Variants in RBX1 observed in about 807,000 individuals in gnomAD.
RBX1 encodes the protein E3 ubiquitin-protein ligase RBX1.
For synonymous variants in RBX1, 48 were observed against 47.9 expected (o/e 1.00, Z -0.01); for missense variants, 46 against 141.4 (o/e 0.33, Z 3.42).
chr22:40,966,367 T>G (rs534214477), intron 3 of RBX1: 1 of 152,366 alleles, frequency 6.6e-6, no homozygotes, highest in South Asian at 2.1e-4. Flanking sequence ...AGTTGGGCTC[T>G]ACCAGGACAC....
chr22:40,955,149 T>C (rs2058321843), intron 2 of RBX1, among the ~76,000 whole-genome samples: 1 of 152,232 alleles, frequency 6.6e-6, no homozygotes, highest in Non-Finnish European at 1.5e-5. Flanking sequence ...TAGTCTTTTT[T>C]GCCTAGAATA....
At chr22:40,956,293 G>T (rs2058325143) in intron 2 of RBX1, among the ~76,000 whole-genome samples, 1 of 150,998 alleles carries the variant, frequency 6.6e-6, no homozygotes. Context: ...ACTTATGAAA[G>T]TATTTTCTAA....
chr22:40,961,186 C>G (rs2058339241), intron 2 of RBX1, among the ~76,000 whole-genome samples: 2 of 148,540 alleles, frequency 1.3e-5, no homozygotes, highest in East Asian at 4.1e-4. Context: ...CGCCTGTGCT[C>G]AAGCCATTCT....
chr22:40,954,523 T>A (rs1214730309), intron 2 of RBX1, among the ~76,000 whole-genome samples: 1 of 152,162 alleles, frequency 6.6e-6, no homozygotes, highest in Non-Finnish European at 1.5e-5. Flanking sequence ...GTCCTTACAG[T>A]AGAAGGGACA....
chr22:40,959,238 A>G (rs1230943673), intron 2 of RBX1, among the ~76,000 whole-genome samples: 1 of 152,216 alleles, frequency 6.6e-6, no homozygotes, highest in Non-Finnish European at 1.5e-5. Flanking sequence ...TATAAATCAC[A>G]TGATAGGCTT....
At chr22:40,954,139 C>T (rs1376532939) in intron 2 of RBX1, among the ~76,000 whole-genome samples, 3 of 151,916 alleles carry the variant, frequency 2.0e-5, no homozygotes, top group Non-Finnish European at 2.9e-5. Context: ...CGTACTGGTG[C>T]ATGTCTGTAA....
At chr22:40,957,043 C>CA (rs1569042902) in intron 2 of RBX1, among the ~76,000 whole-genome samples, 1 of 145,340 alleles carries the variant, frequency 6.9e-6, no homozygotes, top group Non-Finnish European at 1.5e-5. Context: ...TCAACAACAA[C>CA]AAAAAAAAGA....
At position 40,962,905 on chromosome 22, in the gene RBX1, C is replaced by T. The variant is rs2058345107; in HGVS notation, c.158-1142C>T. Among the ~76,000 whole-genome samples, 2 of 146,638 alleles carry T rather than the reference C, an allele frequency of 1.4e-5. 1 individual carries two copies. Among genetic ancestry groups the T allele is most frequent in the South Asian group, 4.3e-4 (2 of 4,616 alleles). On this transcript the variant is annotated intron_variant, in intron 2 of 4. Transcript: ENST00000216225. Reference sequence around the variant, plus strand: ...TAGAGACGGTGTTTCACTATGTTGGCCAGGATGGTCTCAAAGTCCTGACCT... The same window carrying T: ...TAGAGACGGTGTTTCACTATGTTGGTCAGGATGGTCTCAAAGTCCTGACCT...
intron 2 of RBX1, among the ~76,000 whole-genome samples, chr22:40,962,843 C>T (rs1056502868): frequency 1.3e-5 from 2 of 150,992 alleles, no homozygotes; most frequent in African/African-American, 4.9e-5. Context: ...CAGGCACCCG[C>T]CACCACGCCC....
At chr22:40,956,098 G>A (rs1203713731) in intron 2 of RBX1, among the ~76,000 whole-genome samples, 2 of 151,864 alleles carry the variant, frequency 1.3e-5, no homozygotes, top group Non-Finnish European at 2.9e-5. Context: ...CAGTGTATAT[G>A]TGTCTCTGGA....
At chr22:40,957,076 G>A (rs140517317) in intron 2 of RBX1, among the ~76,000 whole-genome samples, 3,693 of 151,580 alleles carry the variant, frequency 0.024, 181 homozygotes, top group East Asian at 0.2. Flanking sequence ...GGCGGGGCGC[G>A]GTGGCTCATG....
At chr22:40,967,923 T>G in intron 4 of RBX1, 39 bp downstream of exon 4, 1 of 1,403,586 alleles carries the variant, frequency 7.1e-7, no homozygotes, top group Non-Finnish European at 1.0e-6. Flanking sequence ...CTTTTTGACT[T>G]GCCTCAGGCT....
chr22:40,951,436 C>G lies in RBX1; in HGVS notation c.38C>G (p.Thr13Ser). The G allele has an allele frequency of 1.9e-6, 3 of 1,613,698 alleles. No individual in the cohort carries two copies. The highest frequency in any genetic ancestry group is 1.7e-6 in the Non-Finnish European group (2 of 1,179,874). ...AAMDVDTPSG[T>S]NSGAGKKRFE... ...ATGGATGTGGATACCCCGAGCGGCACCAACAGCGGCGCGGGCAAGAAGCGC... is the reference window on the plus strand; with the variant it reads ...ATGGATGTGGATACCCCGAGCGGCAGCAACAGCGGCGCGGGCAAGAAGCGC... Residue 13 changes from threonine to serine, a missense_variant, in exon 1 of 5, where the codon ACC becomes AGC. Physicochemically the swap from Thr to Ser is moderately conservative, Grantham distance 58. Transcript: ENST00000216225.
intron 3 of RBX1, among the ~76,000 whole-genome samples, chr22:40,964,796 G>A (rs937930329): frequency 6.6e-6 from 1 of 152,154 alleles, no homozygotes; most frequent in African/African-American, 2.4e-5. Context: ...ATGACACAGG[G>A]ATAAGAGATT....
In RBX1 at chr22:40,963,905, T is replaced by C; in HGVS notation, c.158-142T>C. On this transcript the variant is annotated intron_variant, in intron 2 of 4. Coordinates refer to ENST00000216225, the MANE Select transcript of RBX1 (RefSeq NM_014248.4). ...AATCGTCAGAAAGCATACTGTTATC[T>C]CTGTCTTCTCTGTTCTTCCTTTCCC... 4 of 649,184 alleles carry C rather than the reference T, an allele frequency of 6.2e-6. No individual in the cohort carries two copies. In the South Asian group the frequency reaches 7.2e-5, roughly 12 times the overall value. 40.2% of individuals were successfully genotyped at this position (649,184 alleles called of 1,614,324 possible).
intron 3 of RBX1, among the ~76,000 whole-genome samples, chr22:40,965,078 G>T (rs578130895): frequency 6.6e-6 from 1 of 152,224 alleles, no homozygotes. Context: ...GCCGAGGCGG[G>T]TGCATCATGA....
chr22:40,959,635 A>T (rs951449618), intron 2 of RBX1, among the ~76,000 whole-genome samples: 1 of 151,706 alleles, frequency 6.6e-6, no homozygotes. Flanking sequence ...ACGTGGGGAA[A>T]CCCCATCTCT....
intron 2 of RBX1, among the ~76,000 whole-genome samples, chr22:40,957,964 A>G (rs1207374711): frequency 1.3e-5 from 2 of 151,968 alleles, no homozygotes; most frequent in African/African-American, 2.4e-5. Context: ...AGCTGGGATT[A>G]CAGGTACCCG....
At chr22:40,971,928 C>T (rs920512266) in intron 4 of RBX1, among the ~76,000 whole-genome samples, 4 of 152,158 alleles carry the variant, frequency 2.6e-5, no homozygotes, top group Admixed American at 2.0e-4. Context: ...CCAAAATCCA[C>T]GCCTAGCTTC....
Sources: allele counts gnomAD v4.1 joint callset (sites outside exome capture counted in the v4.1 genomes callset), GRCh38; gene constraint gnomAD v4.1.1; transcripts MANE v1.5; gene names NCBI Gene and HGNC (gene_info 2026-07-23, HGNC 2026-07-21).